PDE3B: variants seen among roughly 807,000 people sequenced by gnomAD.
PDE3B encodes cGMP-inhibited 3',5'-cyclic phosphodiesterase 3B.
PDE3B carries 66 observed loss-of-function variants against 116.8 expected under a neutral mutation model. The ratio of observed to expected loss-of-function variants is 0.56; its 90% CI spans 0.46 to 0.69. The LOEUF (loss-of-function observed/expected upper bound fraction) is 0.69, where lower values mean the gene tolerates loss of function less well. PDE3B is among the 30% of genes least tolerant of loss of function. The pLI, the probability that PDE3B is intolerant of heterozygous loss-of-function variation, is 0.00. For synonymous variants in PDE3B, 595 were observed against 533.6 expected, an observed-to-expected ratio of 1.12 and a Z score of -1.59; for missense variants, 1,384 against 1,368.1, an observed-to-expected ratio of 1.01 and a Z score of -0.18.
chr11:14,795,611 T>C (rs1858528821), intron 4 of PDE3B, among the ~76,000 whole-genome samples: 1 of 152,180 alleles, frequency 6.6e-6, no homozygotes, highest in African/African-American at 2.4e-5. Flanking sequence ...AGACCCTGGA[T>C]CAAGGTAGAA....
At chr11:14,829,868 C>T (rs1272631971) in intron 7 of PDE3B, among the ~76,000 whole-genome samples, 1 of 151,998 alleles carries the variant, frequency 6.6e-6, no homozygotes, top group Non-Finnish European at 1.5e-5. Context: ...AAAAAAGAAA[C>T]AAAATATTAC....
At chr11:14,721,545 C>T (rs1856082337) in intron 1 of PDE3B, among the ~76,000 whole-genome samples, 1 of 151,502 alleles carries the variant, frequency 6.6e-6, no homozygotes, top group East Asian at 1.9e-4. Flanking sequence ...CAATGATAGA[C>T]TGGATGAAGA....
intron 5 of PDE3B, among the ~76,000 whole-genome samples, chr11:14,811,318 T>C (rs1009555601): frequency 1.3e-5 from 2 of 152,208 alleles, no homozygotes; most frequent in African/African-American, 4.8e-5. Context: ...CGTTTAAGTC[T>C]TTAATCCATC....
chr11:14,850,981 ATTTTTT>A (rs143254814), intron 12 of PDE3B, among the ~76,000 whole-genome samples: 131 of 103,384 alleles, frequency 1.3e-3, no homozygotes, highest in Admixed American at 2.9e-3. Context: ...ACACCCAGCT[ATTTTTT>A]TTTTTTTTTT....
chr11:14,760,061 G>A (rs1857312582), intron 1 of PDE3B, among the ~76,000 whole-genome samples: 1 of 151,954 alleles, frequency 6.6e-6, no homozygotes, highest in African/African-American at 2.4e-5. Context: ...ATATAATATT[G>A]TTGTTAAAGT....
the PDE3B span, chr11:14,879,362 G>A: frequency 6.2e-7 from 1 of 1,611,636 alleles, no homozygotes; most frequent in Non-Finnish European, 8.5e-7. Context: ...AACTGCCTCA[G>A]TATAAGGCAT....
At chr11:14,892,053 G>A in the PDE3B span, 2 of 1,612,990 alleles carry the variant, frequency 1.2e-6, no homozygotes, top group African/African-American at 1.3e-5. Context: ...GGGAATAGAT[G>A]TTGCCGATAA....
intron 2 of PDE3B, among the ~76,000 whole-genome samples, chr11:14,781,083 C>T (rs988706476): frequency 2.9e-4 from 44 of 152,140 alleles, no homozygotes; most frequent in Non-Finnish European, 4.1e-4. Context: ...ATAAATTCCT[C>T]GACACATACA....
chr11:14,690,229 T>A (rs183083094), intron 1 of PDE3B, among the ~76,000 whole-genome samples: 466 of 152,262 alleles, frequency 3.1e-3, no homozygotes, highest in Non-Finnish European at 5.4e-3. Context: ...CTGGGAAAAA[T>A]TCTTCCAAAT....
chr11:14,664,021 G>A (rs1030141479), intron 1 of PDE3B, among the ~76,000 whole-genome samples: 1 of 152,060 alleles, frequency 6.6e-6, no homozygotes. Flanking sequence ...TGGAAGTAAA[G>A]CTCTCCTCAG....
chr11:14,848,453 A>G (rs1359959691), intron 12 of PDE3B, among the ~76,000 whole-genome samples: 1 of 150,900 alleles, frequency 6.6e-6, no homozygotes, highest in Non-Finnish European at 1.5e-5. Context: ...CTCTCTCACC[A>G]CTCCTATTCA....
At position 14,672,960 on chromosome 11, in the gene PDE3B, A is replaced by G. The variant is rs113738070; in HGVS notation, c.978+27907A>G. ...AATTTAAAGAAAAAATCTATTGAAG[A>G]TCTGAAAAACAATTCCTAAAAGATA... On this transcript the variant is annotated intron_variant, in intron 1 of 15. Coordinates refer to ENST00000282096, the MANE Select transcript of PDE3B (RefSeq NM_000922.4). 4.4e-3 allele frequency among the ~76,000 whole-genome samples: 672 copies of G among 151,072 alleles called. 8 individuals are homozygous for G. The highest frequency in any genetic ancestry group is 0.016 in the African/African-American group (656 of 41,152).
chr11:14,815,770 A>C (rs552122981), intron 5 of PDE3B, among the ~76,000 whole-genome samples: 3 of 152,306 alleles, frequency 2.0e-5, no homozygotes, highest in African/African-American at 7.2e-5. Flanking sequence ...AAGCCAATAG[A>C]AAAATTAGCA....
chr11:14,702,344 T>C (rs73412636), intron 1 of PDE3B, among the ~76,000 whole-genome samples: 1 of 151,896 alleles, frequency 6.6e-6, no homozygotes, highest in South Asian at 2.1e-4. Flanking sequence ...TAATTTCTTT[T>C]GGCACATTTT....
At chr11:14,769,314 A>G (rs1857574366) in intron 1 of PDE3B, among the ~76,000 whole-genome samples, 1 of 151,402 alleles carries the variant, frequency 6.6e-6, no homozygotes, top group Non-Finnish European at 1.5e-5. Flanking sequence ...TTGTAATACA[A>G]AATGCTACAG....
chr11:14,802,503 G>A (rs1192245952), intron 4 of PDE3B, among the ~76,000 whole-genome samples: 2 of 152,176 alleles, frequency 1.3e-5, no homozygotes, highest in African/African-American at 2.4e-5. Flanking sequence ...GTCCCAGTGA[G>A]ACGAACTGGG....
At chr11:14,841,878 A>G (rs1198199173) in intron 11 of PDE3B, among the ~76,000 whole-genome samples, 1 of 150,780 alleles carries the variant, frequency 6.6e-6, no homozygotes, top group East Asian at 2.0e-4. Flanking sequence ...GAAATCAGGT[A>G]GTCTGATGCC....
intron 1 of PDE3B, among the ~76,000 whole-genome samples, chr11:14,714,773 A>G (rs1172258053): frequency 6.6e-6 from 1 of 152,144 alleles, no homozygotes; most frequent in Non-Finnish European, 1.5e-5. Context: ...TGGAATTTTA[A>G]GTTTTATTTA....
rs1858214957 is a variant in PDE3B at position 14,786,765 on chromosome 11, T to C, written c.1278+80T>C. 5.2e-6 allele frequency: 6 copies of C among 1,150,160 alleles called. No homozygotes were observed. The South Asian group carries it at 7.3e-5, about 14-fold the overall frequency. The allele number at this position is 1,150,160 out of a possible 1,614,324, so 71.2% of individuals were successfully genotyped here. A position where few individuals can be genotyped will look rare whatever the true frequency, so the allele number is the denominator to read the frequency against. ...ATTAACTGCTCCTTTAAATTCTATA[T>C]AGAATACAATTTTCGTTTCAAGGAT... On this transcript the variant is annotated intron_variant, in intron 3 of 15. Coordinates refer to ENST00000282096, the MANE Select transcript of PDE3B (RefSeq NM_000922.4).
Sources: gnomAD v4.1 joint callset for allele counts (sites outside exome capture counted in the v4.1 genomes callset) on GRCh38, gnomAD v4.1.1 for gene constraint, MANE v1.5 for transcripts, NCBI Gene and HGNC (gene_info 2026-07-23, HGNC 2026-07-21) for gene names.